The following ZNF674 variants were observed in gnomAD, a reference collection of about 807,000 sequenced individuals.
ZNF674 encodes zinc finger protein 674.
In ZNF674, 2 loss-of-function variants were observed where a neutral mutation model predicts 7.0. The ratio of observed to expected loss-of-function variants is 0.29; its 90% CI spans 0.12 to 0.90. ZNF674 has a LOEUF of 0.90. Ranked by LOEUF, ZNF674 falls within the 40% of genes least tolerant of loss-of-function variation. The pLI is 0.57. For synonymous variants in ZNF674, 103 were observed against 145.2 expected, an observed-to-expected ratio of 0.71 and a Z score of 2.09; for missense variants, 297 against 415.5, an observed-to-expected ratio of 0.71 and a Z score of 2.48.
rs1408933459 is a variant in ZNF674, at chrX:46,499,635, G to A, written c.*208C>T. The A allele has an allele frequency of 1.6e-5, 5 of 312,715 alleles. No individual in the cohort carries two copies. The highest frequency in any genetic ancestry group is 2.7e-5 in the Non-Finnish European group (5 of 183,534). 25.8% of individuals were successfully genotyped at this position (312,715 alleles called of 1,213,427 possible). A position where few individuals can be genotyped will look rare whatever the true frequency, so the allele number is the denominator to read the frequency against. ...TCTTCACTCCTGGGTGAAGAATTCT[G>A]GGTGAAAAAACTGATCACATTTATT... On this transcript the variant is annotated 3_prime_UTR_variant, in exon 6 of 6. Transcript: ENST00000683375.
At chrX:46,503,983 G>A (rs1210474554) in intron 5 of ZNF674, among the ~76,000 whole-genome samples, 1 of 110,528 alleles carries the variant, frequency 9.0e-6, no homozygotes, top group African/African-American at 3.3e-5. Flanking sequence ...AGGTTGCAGT[G>A]AGCCATGTAC....
intron 5 of ZNF674, among the ~76,000 whole-genome samples, chrX:46,512,917 G>A (rs914479489): frequency 3.6e-5 from 4 of 111,423 alleles, no homozygotes; most frequent in South Asian, 7.3e-4. Context: ...AATATACAAA[G>A]AATTCATATA....
chrX:46,508,522 G>C (rs1317592060), intron 5 of ZNF674, among the ~76,000 whole-genome samples: 1 of 111,349 alleles, frequency 9.0e-6, no homozygotes, highest in Non-Finnish European at 1.9e-5. Flanking sequence ...TAGCTTGATG[G>C]GGATGGCATT....
At chrX:46,541,411 T>C (rs1292500013) in intron 3 of ZNF674, among the ~76,000 whole-genome samples, 2 of 104,127 alleles carry the variant, frequency 1.9e-5, no homozygotes, top group African/African-American at 3.5e-5. Flanking sequence ...TATCTGTGAA[T>C]AGAAAAATAG....
chrX:46,526,779 A>G (rs1365733461), intron 5 of ZNF674, among the ~76,000 whole-genome samples: 2 of 111,889 alleles, frequency 1.8e-5, no homozygotes, highest in African/African-American at 6.5e-5. Flanking sequence ...ATCTTCTGAA[A>G]GAAGGCATAG....
chrX:46,516,911 T>G (rs1429834942), intron 5 of ZNF674, among the ~76,000 whole-genome samples: 2 of 109,538 alleles, frequency 1.8e-5, no homozygotes, highest in African/African-American at 6.7e-5. Context: ...GCAGGAGAAT[T>G]GCTTGAACCT....
intron 2 of ZNF674, among the ~76,000 whole-genome samples, chrX:46,542,616 A>G (rs1325431916): frequency 9.0e-6 from 1 of 111,178 alleles, no homozygotes; most frequent in Non-Finnish European, 1.9e-5. Context: ...CAAAAGGCTG[A>G]GATGGGAGGG....
intron 3 of ZNF674, among the ~76,000 whole-genome samples, chrX:46,536,931 T>C (rs1569483357): frequency 8.9e-6 from 1 of 111,741 alleles, no homozygotes; most frequent in Non-Finnish European, 1.9e-5. Flanking sequence ...TAGAGCGTAG[T>C]TAAATAAATT....
In ZNF674 at chrX:46,511,926, G is replaced by A. The variant is rs763536784; in HGVS notation, c.239-10591C>T. Among the ~76,000 whole-genome samples, 3 of 110,543 alleles carry A rather than the reference G, an allele frequency of 2.7e-5. No individual in the cohort carries two copies. The South Asian group carries it at 1.2e-3, about 43-fold the overall frequency. On this transcript the variant is annotated intron_variant, in intron 5 of 5. Coordinates refer to ENST00000683375, the MANE Select transcript of ZNF674 (RefSeq NM_001190417.2). ...TAATCCCAGCTACTCAGGAGGCTGA[G>A]ACAGGAGAATTGGTTGAACCCAAGA...
chrX:46,541,991 T>A, intron 3 of ZNF674, 82 bp downstream of exon 3: 1 of 841,516 alleles, frequency 1.2e-6, no homozygotes, highest in East Asian at 3.3e-5. Flanking sequence ...AGGGGATAAT[T>A]GGTATTTTCA....
intron 5 of ZNF674, among the ~76,000 whole-genome samples, chrX:46,521,649 GGA>G (rs1040784943): frequency 2.7e-5 from 3 of 109,548 alleles, no homozygotes; most frequent in Non-Finnish European, 3.8e-5. Context: ...CCAAGGCGGG[GGA>G]GGGGGGGGAG....
At chrX:46,505,190 T>C (rs1941510967) in intron 5 of ZNF674, among the ~76,000 whole-genome samples, 1 of 111,887 alleles carries the variant, frequency 8.9e-6, no homozygotes, top group Non-Finnish European at 1.9e-5. Context: ...GCCTGGCCTG[T>C]TTCTTTTATT....
intron 5 of ZNF674, among the ~76,000 whole-genome samples, chrX:46,502,035 C>T (rs182538057): frequency 1.4e-3 from 153 of 110,368 alleles, no homozygotes; most frequent in Middle Eastern, 4.7e-3. Flanking sequence ...TGGCTGGGCG[C>T]GGTGGCTCAC....
At chrX:46,527,319 C>T (rs907515439) in intron 5 of ZNF674, among the ~76,000 whole-genome samples, 22 of 108,798 alleles carry the variant, frequency 2.0e-4, no homozygotes, top group African/African-American at 6.3e-4. Context: ...AGAAAAATGG[C>T]AAAAGATTAC....
intron 2 of ZNF674, 37 bp from the exon 3 acceptor site, chrX:46,542,153 G>A (rs1942305568): frequency 5.9e-6 from 5 of 844,053 alleles, no homozygotes. Flanking sequence ...AGTTCAGTGG[G>A]TATAGACATA....
chrX:46,506,349 G>C (rs1233265343), intron 5 of ZNF674, among the ~76,000 whole-genome samples: 1 of 109,441 alleles, frequency 9.1e-6, no homozygotes, highest in Non-Finnish European at 1.9e-5. Context: ...TAACAAAAAA[G>C]GCCTAGCTTG....
intron 5 of ZNF674, among the ~76,000 whole-genome samples, chrX:46,505,632 A>G (rs1602048328): frequency 9.0e-6 from 1 of 111,221 alleles, no homozygotes; most frequent in Non-Finnish European, 1.9e-5. Flanking sequence ...TTAGCAAGGC[A>G]TGATGACAGG....
Position 46,500,656 on chromosome X carries a change from G to T in ZNF674, c.918C>A (p.Asp306Glu). The T allele has an allele frequency of 8.3e-7, 1 of 1,210,833 alleles. No individual in the cohort carries two copies. Among genetic ancestry groups the T allele is most frequent in the South Asian group, 1.8e-5 (1 of 56,957 alleles). The stretch of plus-strand genomic sequence containing the variant: ...AACTCTTAAAGGCTTTTGGACATTT[G>T]TCACATACAAATGGTTTCTCTCCTG... ...THTGEKPFVC[D>E]KCPKAFKSSY... is the part of the protein sequence containing the mutation. Residue 306 changes from aspartate to glutamate, a missense_variant, in exon 6 of 6, where the codon GAC becomes GAA. Physicochemically the swap from Asp to Glu is conservative, Grantham distance 45. Transcript: ENST00000683375.
At chrX:46,531,993 C>T (rs1470728765) in intron 3 of ZNF674, among the ~76,000 whole-genome samples, 11 of 111,005 alleles carry the variant, frequency 9.9e-5, no homozygotes, top group African/African-American at 2.9e-4. Flanking sequence ...GATGAAACTC[C>T]GTCTTTACTA....
Sources: gnomAD v4.1 joint callset for allele counts (sites outside exome capture counted in the v4.1 genomes callset) on GRCh38, gnomAD v4.1.1 for gene constraint, MANE v1.5 for transcripts, NCBI Gene and HGNC (gene_info 2026-07-23, HGNC 2026-07-21) for gene names.